HOPX: variants seen among roughly 807,000 people sequenced by gnomAD.
HOPX encodes the protein HOP homeobox, also known as homeodomain-only protein.
HOPX carries 5 observed loss-of-function variants against 11.8 expected under a neutral mutation model. The ratio of observed to expected loss-of-function variants is 0.43; its 90% confidence interval spans 0.22 to 0.89. HOPX has a LOEUF of 0.89. HOPX is among the 40% of genes least tolerant of loss of function. The pLI, the probability that HOPX is intolerant of heterozygous loss-of-function variation, is 0.28. For synonymous variants in HOPX, 49 were observed against 49.7 expected (o/e 0.99, Z 0.06); for missense variants, 119 against 120.0 (o/e 0.99, Z 0.04).
At chr4:56,671,107 A>G (rs1021398755) in intron 1 of HOPX, among the ~76,000 whole-genome samples, 2 of 152,108 alleles carry the variant, frequency 1.3e-5, no homozygotes, top group African/African-American at 2.4e-5. Flanking sequence ...AAATGTTCTC[A>G]TTCCTAATGC....
chr4:56,666,365 T>C (rs1718442585), intron 1 of HOPX, among the ~76,000 whole-genome samples: 1 of 152,236 alleles, frequency 6.6e-6, no homozygotes, highest in South Asian at 2.1e-4. Context: ...TTTGTAGAAT[T>C]AAGGATCATC....
intron 1 of HOPX, among the ~76,000 whole-genome samples, chr4:56,677,011 C>T (rs1249299940): frequency 6.6e-6 from 1 of 151,796 alleles, no homozygotes; most frequent in Admixed American, 6.5e-5. Flanking sequence ...GAATGAGGCT[C>T]CTGGCCACTA....
intron 3 of HOPX, among the ~76,000 whole-genome samples, chr4:56,651,563 T>C (rs1339407784): frequency 6.6e-6 from 1 of 152,184 alleles, no homozygotes; most frequent in Non-Finnish European, 1.5e-5. Flanking sequence ...CCCTTGCCCA[T>C]TGATGGAGAT....
chr4:56,667,891 T>C (rs1277708249), intron 1 of HOPX, among the ~76,000 whole-genome samples: 1 of 152,214 alleles, frequency 6.6e-6, no homozygotes, highest in Non-Finnish European at 1.5e-5. Context: ...CAGGTTTGCC[T>C]GGGACACTTC....
intron 1 of HOPX, among the ~76,000 whole-genome samples, chr4:56,667,993 C>T (rs961950570): frequency 6.6e-6 from 1 of 152,096 alleles, no homozygotes; most frequent in Non-Finnish European, 1.5e-5. Flanking sequence ...GGTGCGATCT[C>T]GGCTCACTGC....
rs1560364059 is a variant in HOPX, at chr4:56,655,902, C to A, written c.153G>T (p.Leu51=). 1 of 1,612,020 alleles carries A rather than the reference C, an allele frequency of 6.2e-7. No individual in the cohort carries two copies. Residue 51 remains leucine, a synonymous_variant, in exon 3 of 4, where the codon CTG becomes CTT. Coordinates refer to ENST00000420433, the MANE Select transcript of HOPX (RefSeq NM_032495.6). ...GGCCTGCCTCGGCCGCGATGAGGCA[C>A]AGCGTGGTGGAATCCGGGTGCTTGT... ...KVDKHPDSTT[L]CLIAAEAGLS... is the part of the protein sequence containing the mutation.
chr4:56,658,763 C>G (rs1040105351), intron 1 of HOPX, among the ~76,000 whole-genome samples: 2 of 152,220 alleles, frequency 1.3e-5, no homozygotes, highest in African/African-American at 4.8e-5. Flanking sequence ...TTTAAAGCTA[C>G]TCAGACGTTA....
intron 3 of HOPX, among the ~76,000 whole-genome samples, chr4:56,651,899 T>TGG: frequency 6.6e-6 from 1 of 151,730 alleles, no homozygotes; most frequent in South Asian, 2.1e-4. Flanking sequence ...TGTGTGTGTG[T>TGG]GTGTGTGTGT....
intron 1 of HOPX, among the ~76,000 whole-genome samples, chr4:56,661,183 G>A (rs903177534): frequency 1.3e-5 from 2 of 152,092 alleles, no homozygotes; most frequent in Admixed American, 1.3e-4. Flanking sequence ...TTTTGCTCTT[G>A]AGTTGTTTAA....
At chr4:56,663,074 G>A (rs1335811776) in intron 1 of HOPX, 2 of 152,182 alleles carry the variant, frequency 1.3e-5, no homozygotes, top group African/African-American at 4.8e-5. Flanking sequence ...CTCCTTTCAA[G>A]TTTTGTTCTG....
upstream of HOPX, chr4:56,681,547 C>T (rs1719325867): frequency 1.0e-6 from 1 of 1,000,076 alleles, no homozygotes; most frequent in Non-Finnish European, 1.2e-6. Context: ...CCTGACCTCT[C>T]TCCTAGCCAA....
chr4:56,681,185 A>G, intron 1 of HOPX, 70 bp downstream of exon 1: 2 of 969,026 alleles, frequency 2.1e-6, no homozygotes. Flanking sequence ...CGGTAACGAT[A>G]GCATTTTGGT....
chr4:56,649,395 A>G (rs1020161746), intron 3 of HOPX: 4 of 152,270 alleles, frequency 2.6e-5, no homozygotes, highest in African/African-American at 9.6e-5. Flanking sequence ...TCATCAATGT[A>G]TGCTCAGCTC....
chr4:56,678,299 T>C (rs1169606297), intron 1 of HOPX, among the ~76,000 whole-genome samples: 1 of 151,474 alleles, frequency 6.6e-6, no homozygotes, highest in Non-Finnish European at 1.5e-5. Context: ...TCCTTATCTG[T>C]CAAGTGAATG....
chr4:56,655,500 G>T (rs1717604180), intron 3 of HOPX, among the ~76,000 whole-genome samples: 1 of 152,238 alleles, frequency 6.6e-6, no homozygotes, highest in Non-Finnish European at 1.5e-5. Context: ...CCGGGAAGGC[G>T]AGACAGGGAC....
At chr4:56,657,931 T>C (rs1717869007) in intron 1 of HOPX, 32 bp from the exon 2 acceptor site, 1 of 1,542,452 alleles carries the variant, frequency 6.5e-7, no homozygotes, top group Admixed American at 2.0e-5. Context: ...GCAGTAGTCA[T>C]AATGCAGGCA....
intron 1 of HOPX, among the ~76,000 whole-genome samples, chr4:56,678,489 A>G (rs893768142): frequency 1.6e-5 from 2 of 125,386 alleles, no homozygotes; most frequent in African/African-American, 6.6e-5. Flanking sequence ...TCTGCCACCC[A>G]GGCAGGAGTG....
At chr4:56,669,873 G>A (rs148017442) in intron 1 of HOPX, among the ~76,000 whole-genome samples, 11 of 152,244 alleles carry the variant, frequency 7.2e-5, no homozygotes, top group African/African-American at 2.6e-4. Flanking sequence ...ATGCAGGTCT[G>A]TTAGGATGCT....
chr4:56,671,052 C>T (rs1414904773), intron 1 of HOPX, among the ~76,000 whole-genome samples: 3 of 151,976 alleles, frequency 2.0e-5, no homozygotes, highest in Admixed American at 1.3e-4. Flanking sequence ...TCATATTGCT[C>T]TGTAGACATC....
Sources: gnomAD v4.1 joint callset for allele counts (sites outside exome capture counted in the v4.1 genomes callset) on GRCh38, gnomAD v4.1.1 for gene constraint, MANE v1.5 for transcripts, NCBI Gene and HGNC (gene_info 2026-07-23, HGNC 2026-07-21) for gene names.